LMBR1: variants seen among roughly 807,000 people sequenced by gnomAD.
LMBR1 encodes the protein limb region 1 protein homolog.
Under a neutral mutation model 73.9 loss-of-function variants are expected in LMBR1, and 52 were observed. That is an observed-to-expected ratio of 0.70 (90% confidence interval 0.56 to 0.89). The LOEUF (loss-of-function observed/expected upper bound fraction) is 0.89. LMBR1 is among the 40% of genes least tolerant of loss of function. The pLI, the probability that LMBR1 is intolerant of heterozygous loss-of-function variation, is 0.00. For synonymous variants in LMBR1, 215 were observed against 209.4 expected (o/e 1.03, Z -0.23); for missense variants, 539 against 579.8 (o/e 0.93, Z 0.72).
chr7:156,683,565 T>C lies in LMBR1; in HGVS notation c.*513A>G, dbSNP rs1358626498. 2 of 152,378 alleles carry C rather than the reference T, an allele frequency of 1.3e-5. 1 individual carries two copies. The highest frequency in any genetic ancestry group is 3.8e-4 in the East Asian group (2 of 5,202). The allele number at this position is 152,378 out of a possible 1,614,324, so 9.4% of individuals were successfully genotyped here. ...AAATAAGAAACATAATTGCAACCAT[T>C]ACAGCTCCAACATACACTGCAAAAA... On this transcript the variant is annotated 3_prime_UTR_variant, in exon 17 of 17. Coordinates refer to ENST00000353442, the MANE Select transcript of LMBR1 (RefSeq NM_022458.4).
At chr7:156,845,868 A>G (rs748645808) in intron 1 of LMBR1, among the ~76,000 whole-genome samples, 1 of 152,102 alleles carries the variant, frequency 6.6e-6, no homozygotes, top group African/African-American at 2.4e-5. Context: ...GTGAAGTAAG[A>G]CAAAGTAGGG....
At chr7:156,868,546 C>T (rs916388585) in intron 1 of LMBR1, among the ~76,000 whole-genome samples, 4 of 151,916 alleles carry the variant, frequency 2.6e-5, no homozygotes, top group African/African-American at 9.7e-5. Context: ...TGATGGCATG[C>T]ACCTATAATC....
rs192119974 is a variant in LMBR1, at chr7:156,792,526, C to G, written c.423+3863G>C. On this transcript the variant is annotated intron_variant, in intron 5 of 16. Transcript: ENST00000353442. ...TCAAAACCATTTCTATGCTCTTACA[C>G]TTCAGAATTATAAAGTAAGGGAATA... 5.5e-4 allele frequency among the ~76,000 whole-genome samples: 84 copies of G among 152,278 alleles called. No individual in the cohort carries two copies. Among genetic ancestry groups the G allele is most frequent in the African/African-American group, 1.9e-3 (79 of 41,548 alleles).
chr7:156,698,835 T>A (rs1344371054), intron 15 of LMBR1, among the ~76,000 whole-genome samples: 1 of 152,228 alleles, frequency 6.6e-6, no homozygotes, highest in African/African-American at 2.4e-5. Context: ...CAGCTCCTCA[T>A]TACTTATGCA....
At chr7:156,874,095 A>G (rs902505664) in intron 1 of LMBR1, among the ~76,000 whole-genome samples, 7 of 152,194 alleles carry the variant, frequency 4.6e-5, no homozygotes, top group African/African-American at 1.4e-4. Context: ...ACAGGAGCCC[A>G]TGGAGTGGGT....
At chr7:156,822,027 G>A (rs1480698635) in intron 4 of LMBR1, among the ~76,000 whole-genome samples, 2 of 152,184 alleles carry the variant, frequency 1.3e-5, no homozygotes, top group African/African-American at 4.8e-5. Flanking sequence ...ACAATTAAAA[G>A]ACAAATTTCC....
chr7:156,695,168 C>T (rs1190120405), intron 15 of LMBR1, among the ~76,000 whole-genome samples: 1 of 152,170 alleles, frequency 6.6e-6, no homozygotes, highest in African/African-American at 2.4e-5. Flanking sequence ...AATTAGATGG[C>T]CATAGTGGTG....
chr7:156,837,517 T>C (rs1361517330), intron 1 of LMBR1, among the ~76,000 whole-genome samples: 1 of 151,450 alleles, frequency 6.6e-6, no homozygotes, highest in Admixed American at 6.6e-5. Flanking sequence ...CTGACAACTC[T>C]GAAAAATAAA....
At chr7:156,743,397 A>T (rs1200031515) in intron 9 of LMBR1, among the ~76,000 whole-genome samples, 1 of 152,154 alleles carries the variant, frequency 6.6e-6, no homozygotes, top group African/African-American at 2.4e-5. Context: ...TTCATCCGTA[A>T]AAGGGGGTGT....
At chr7:156,772,053 ATCATGAGG>A (rs1275203745) in intron 5 of LMBR1, among the ~76,000 whole-genome samples, 2 of 152,174 alleles carry the variant, frequency 1.3e-5, no homozygotes, top group Admixed American at 6.5e-5. Flanking sequence ...AGGCAGGTGG[ATCATGAGG>A]TCAGGGGTTC....
chr7:156,851,351 T>C (rs1357841350), intron 1 of LMBR1, among the ~76,000 whole-genome samples: 1 of 152,210 alleles, frequency 6.6e-6, no homozygotes, highest in Non-Finnish European at 1.5e-5. Flanking sequence ...GTCTTTCAAC[T>C]TGTGCTTCAA....
Position 156,762,205 on chromosome 7 carries a change from A to C in LMBR1, c.620-7T>G. 6.2e-7 allele frequency: 1 copy of C among 1,601,240 alleles called. No homozygotes were observed. The highest frequency in any genetic ancestry group is 8.6e-7 in the Non-Finnish European group (1 of 1,169,116). On this transcript the variant is annotated splice_polypyrimidine_tract_variant and splice_region_variant and intron_variant, in intron 7 of 16. Coordinates refer to ENST00000353442, the MANE Select transcript of LMBR1 (RefSeq NM_022458.4). ...AGGCCAACTGGTGTACACACTGCAG[A>C]AATAAGATCACCAAAAGACAGAAAG...
Position 156,683,783 on chromosome 7 carries a change from A to G in LMBR1, c.*295T>C. 7.5e-6 allele frequency: 2 copies of G among 265,468 alleles called. No homozygotes were observed. Among genetic ancestry groups the G allele is most frequent in the Non-Finnish European group, 1.4e-5 (2 of 142,534 alleles). 16.4% of individuals were successfully genotyped at this position (265,468 alleles called of 1,614,324 possible). The stretch of plus-strand genomic sequence containing the variant: ...CATATCAGGTGAAAACAATTTTTTC[A>G]TATGGGTGATTGTATTTACCAACAT... On this transcript the variant is annotated 3_prime_UTR_variant, in exon 17 of 17. Coordinates refer to ENST00000353442, the MANE Select transcript of LMBR1 (RefSeq NM_022458.4).
At chr7:156,854,352 C>CA (rs1796650439) in intron 1 of LMBR1, among the ~76,000 whole-genome samples, 2 of 152,286 alleles carry the variant, frequency 1.3e-5, no homozygotes, top group South Asian at 2.1e-4. Context: ...AGTCTAGTCT[C>CA]AGGGGGGACT....
chr7:156,777,009 G>A (rs560422107), intron 5 of LMBR1, among the ~76,000 whole-genome samples: 11 of 150,370 alleles, frequency 7.3e-5, no homozygotes, highest in African/African-American at 2.2e-4. Flanking sequence ...TCGGCTCACC[G>A]CAAGCTCCGC....
chr7:156,748,512 G>A (rs189764336), intron 9 of LMBR1, among the ~76,000 whole-genome samples: 20 of 151,638 alleles, frequency 1.3e-4, no homozygotes, highest in Admixed American at 8.5e-4. Context: ...TTATTGAGGC[G>A]GAGTCTTGCT....
Position 156,670,073 on chromosome 7 carries a change from AAATT to A in LMBR1, n.867-790_867-787del, listed in dbSNP as rs902737605. On this transcript the variant is annotated intron_variant and non_coding_transcript_variant, in intron 4 of 4. Transcript: ENST00000430825. The surrounding 1 kb of genome is among the most constrained non-coding windows in gnomAD (Gnocchi z 4.3). The stretch of plus-strand genomic sequence containing the variant: ...GTTTATTTAATGTTATTCTAAGAAA[AAATT>A]AAATTATAAATTTTATGACTTTCAC... 6.6e-6 allele frequency among the ~76,000 whole-genome samples: 1 copy of A among 152,226 alleles called. No homozygotes were observed. The highest frequency in any genetic ancestry group is 2.4e-5 in the African/African-American group (1 of 41,452).
intron 5 of LMBR1, among the ~76,000 whole-genome samples, chr7:156,792,422 G>T (rs1829378871): frequency 6.6e-6 from 1 of 152,128 alleles, no homozygotes; most frequent in Non-Finnish European, 1.5e-5. Flanking sequence ...TCTAAATTTG[G>T]TAAACATTTA....
intron 1 of LMBR1, among the ~76,000 whole-genome samples, chr7:156,881,407 C>G (rs1801064331): frequency 6.6e-6 from 1 of 152,166 alleles, no homozygotes; most frequent in Non-Finnish European, 1.5e-5. Context: ...CGAAGGAAGC[C>G]TTCACAACAC....
Sources: allele counts gnomAD v4.1 joint callset (sites outside exome capture counted in the v4.1 genomes callset), GRCh38; gene constraint gnomAD v4.1.1; non-coding constraint Gnocchi (gnomAD v3.1); transcripts MANE v1.5; gene names NCBI Gene and HGNC (gene_info 2026-07-23, HGNC 2026-07-21).